UBAC1: variants seen among roughly 807,000 people sequenced by gnomAD.
The protein encoded by UBAC1 is ubiquitin-associated domain-containing protein 1.
UBAC1 carries 27 observed loss-of-function variants against 45.9 expected under a neutral mutation model. That is an observed-to-expected ratio of 0.59 (90% CI 0.43 to 0.81). The LOEUF (loss-of-function observed/expected upper bound fraction) is 0.81, where lower values mean the gene tolerates loss of function less well. Among genes scored for constraint, UBAC1 ranks in the 30% least tolerant of loss-of-function variants. The pLI, the probability that UBAC1 is intolerant of heterozygous loss-of-function variation, is 0.00. For synonymous variants in UBAC1, 227 were observed against 215.5 expected (o/e 1.05, Z -0.47); for missense variants, 529 against 539.2 (o/e 0.98, Z 0.19).
intron 5 of UBAC1, 128 bp downstream of exon 5, chr9:135,946,141 C>T: frequency 9.8e-7 from 1 of 1,023,564 alleles, no homozygotes. Context: ...TGAGGCAGGC[C>T]CCAGGCCCTC....
chr9:135,935,943 G>A (rs540321728), intron 9 of UBAC1, among the ~76,000 whole-genome samples: 4 of 150,572 alleles, frequency 2.7e-5, no homozygotes, highest in South Asian at 2.1e-4. Flanking sequence ...GGAGAATGGC[G>A]TGAACCCGGT....
intron 7 of UBAC1, 37 bp from the exon 8 acceptor site, chr9:135,939,796 G>A: frequency 6.3e-7 from 1 of 1,583,964 alleles, no homozygotes; most frequent in Non-Finnish European, 8.6e-7. Flanking sequence ...GCTGGGGGCG[G>A]CAGGAGGCCG....
chr9:135,933,364 C>T lies in UBAC1; in HGVS notation c.*36G>A. On this transcript the variant is annotated 3_prime_UTR_variant, in exon 10 of 10. Coordinates refer to ENST00000371756, the MANE Select transcript of UBAC1 (RefSeq NM_016172.3). ...CCCGGTCTCGGGCCGCACCAGGGGG[C>T]TGCTGTGGCCTGATAGCCGAGTGGA... is the stretch of plus-strand genomic sequence containing the variant. 1 of 1,581,698 alleles carries T rather than the reference C, an allele frequency of 6.3e-7. No individual in the cohort carries two copies. The highest frequency in any genetic ancestry group is 8.7e-7 in the Non-Finnish European group (1 of 1,150,592).
At chr9:135,952,523 C>G (rs930521606) in intron 3 of UBAC1, among the ~76,000 whole-genome samples, 2 of 152,234 alleles carry the variant, frequency 1.3e-5, no homozygotes, top group Admixed American at 1.3e-4. Flanking sequence ...GCTTCTAGGG[C>G]AGCCAGTAAA....
chr9:135,956,032 C>A (rs528738168), intron 1 of UBAC1, among the ~76,000 whole-genome samples: 25 of 152,184 alleles, frequency 1.6e-4, no homozygotes, highest in Non-Finnish European at 3.4e-4. Context: ...CACCCCTGGG[C>A]GGCTTGAAGG....
chr9:135,940,181 G>A (rs1839251992), intron 7 of UBAC1, among the ~76,000 whole-genome samples: 1 of 152,086 alleles, frequency 6.6e-6, no homozygotes, highest in Non-Finnish European at 1.5e-5. Context: ...CCAAAGAGAA[G>A]TGGCATTAGG....
rs778565596 is a variant in UBAC1, at chr9:135,946,282, A to C, written c.531T>G (p.Phe177Leu). 2 of 1,612,576 alleles carry C rather than the reference A, an allele frequency of 1.2e-6. No homozygotes were observed. The highest frequency in any genetic ancestry group is 1.7e-6 in the Non-Finnish European group (2 of 1,178,592). The change falls in exon 5 of 10, where the codon TTT becomes TTG. Residue 177 changes from phenylalanine to leucine, a missense_variant. Physicochemically the swap from Phe to Leu is conservative, Grantham distance 22. Coordinates refer to ENST00000371756, the MANE Select transcript of UBAC1 (RefSeq NM_016172.3). ...GTTGACTCATACCATTCGCCTTCTT[A>C]AACAATTCCACTGCATCTGGGTTCA... ...LALNPDAVEL[F>L]KKANAMLDED...
chr9:135,938,387 C>G (rs780063954), intron 8 of UBAC1, 27 bp from the exon 9 acceptor site: 3 of 1,606,824 alleles, frequency 1.9e-6, no homozygotes, highest in Non-Finnish European at 2.5e-6. Context: ...ACCAATACCA[C>G]TGTTAGCGCC....
At chr9:135,947,178 G>A (rs761772268) in intron 4 of UBAC1, among the ~76,000 whole-genome samples, 9 of 152,182 alleles carry the variant, frequency 5.9e-5, no homozygotes, top group African/African-American at 1.7e-4. Flanking sequence ...CGGCGTCCAC[G>A]TGAGCACTGC....
Position 135,961,088 on chromosome 9 carries a change from C to G in UBAC1, c.75G>C (p.Glu25Asp). The part of the protein sequence containing the change: ...RLHICASDGA[E>D]WLEEATEDTS... The stretch of plus-strand genomic sequence containing the variant: ...TGTCCTCGGTGGCCTCCTCCAGCCA[C>G]TCGGCGCCGTCGGACGCGCAGATGT... The change falls in exon 1 of 10, where the codon GAG becomes GAC. Residue 25 changes from glutamate (E) to aspartate (D), a missense_variant. Coordinates refer to ENST00000371756, the MANE Select transcript of UBAC1 (RefSeq NM_016172.3). 2 of 1,586,458 alleles carry G rather than the reference C, an allele frequency of 1.3e-6. No homozygotes were observed. Among genetic ancestry groups the G allele is most frequent in the Admixed American group, 3.5e-5 (2 of 57,856 alleles).
rs1469187342 is a variant in UBAC1 at position 135,933,100 on chromosome 9, G to A, written c.*300C>T. 5 of 324,232 alleles carry A rather than the reference G, an allele frequency of 1.5e-5. No homozygotes were observed. Among genetic ancestry groups the A allele is most frequent in the Admixed American group, 4.7e-5 (1 of 21,472 alleles). 20.1% of individuals were successfully genotyped at this position (324,232 alleles called of 1,614,324 possible). ...GGACTCTCCAAGCAAATGTCTACACGGCAATTCAAGCAGCAACTCAAGAGC... is the reference window on the plus strand; with the variant it reads ...GGACTCTCCAAGCAAATGTCTACACAGCAATTCAAGCAGCAACTCAAGAGC... On this transcript the variant is annotated 3_prime_UTR_variant, in exon 10 of 10. Transcript: ENST00000371756.
intron 9 of UBAC1, among the ~76,000 whole-genome samples, chr9:135,934,621 C>G (rs544220284): frequency 1.4e-3 from 207 of 152,324 alleles, no homozygotes; most frequent in Non-Finnish European, 2.7e-3. Flanking sequence ...GATTGCGCCA[C>G]TGCACTCCAG....
At chr9:135,947,717 C>T in intron 4 of UBAC1, 81 bp downstream of exon 4, 2 of 1,179,680 alleles carry the variant, frequency 1.7e-6, no homozygotes, top group Non-Finnish European at 2.4e-6. Flanking sequence ...CTCTTGCTGC[C>T]CCGCCCCGCA....
At chr9:135,947,686 C>G (rs1204686415) in intron 4 of UBAC1, 112 bp downstream of exon 4, 4 of 855,492 alleles carry the variant, frequency 4.7e-6, no homozygotes, top group Non-Finnish European at 7.0e-6. Context: ...CCGGCTTCCC[C>G]AAATCCTCCC....
intron 3 of UBAC1, among the ~76,000 whole-genome samples, chr9:135,951,843 AATT>A: frequency 6.7e-6 from 1 of 150,312 alleles, no homozygotes; most frequent in Non-Finnish European, 1.5e-5. Context: ...AAATAATAAT[AATT>A]AATTCATAAA....
chr9:135,935,164 T>C (rs1304999401), intron 9 of UBAC1, among the ~76,000 whole-genome samples: 1 of 152,146 alleles, frequency 6.6e-6, no homozygotes, highest in Non-Finnish European at 1.5e-5. Context: ...CCCAAAGTGC[T>C]ACAATTACAG....
In UBAC1 at chr9:135,938,417, G is replaced by A. The variant is rs548982740; in HGVS notation, c.964-57C>T. The A allele has an allele frequency of 8.7e-5, 138 of 1,578,550 alleles. 1 individual carries two copies. The East Asian group carries it at 1.0e-3, about 12-fold the overall frequency. On this transcript the variant is annotated intron_variant, in intron 8 of 9. Coordinates refer to ENST00000371756, the MANE Select transcript of UBAC1 (RefSeq NM_016172.3). ...AGCGCCTTCAGTGCCTCCGCAAGAC[G>A]CCACCAGCAGCAGGCATGACAGCTC...
At chr9:135,934,232 T>G (rs1255389697) in intron 9 of UBAC1, among the ~76,000 whole-genome samples, 1 of 152,146 alleles carries the variant, frequency 6.6e-6, no homozygotes, top group Non-Finnish European at 1.5e-5. Flanking sequence ...TCACAGCCAT[T>G]CACGGCCCAG....
intron 3 of UBAC1, among the ~76,000 whole-genome samples, chr9:135,950,668 G>A (rs1329761148): frequency 6.6e-6 from 1 of 152,184 alleles, no homozygotes; most frequent in African/African-American, 2.4e-5. Flanking sequence ...TAACCCTCAA[G>A]GGAGGAGAGA....
Sources: allele counts gnomAD v4.1 joint callset (sites outside exome capture counted in the v4.1 genomes callset), GRCh38; gene constraint gnomAD v4.1.1; transcripts MANE v1.5; gene names NCBI Gene and HGNC (gene_info 2026-07-23, HGNC 2026-07-21).